The following TBL1XR1 variants were observed in gnomAD, a reference collection of about 807,000 sequenced individuals.
TBL1XR1 encodes F-box-like/WD repeat-containing protein TBL1XR1.
TBL1XR1 carries 5 observed loss-of-function variants against 66.9 expected under a neutral mutation model. The ratio of observed to expected loss-of-function variants is 0.07; its 90% confidence interval spans 0.04 to 0.16. The LOEUF (loss-of-function observed/expected upper bound fraction) is 0.16. Ranked by LOEUF, TBL1XR1 falls within the 10% of genes least tolerant of loss-of-function variation. The pLI, the probability that TBL1XR1 is intolerant of heterozygous loss-of-function variation, is 1.00. For synonymous variants in TBL1XR1, 210 were observed against 206.0 expected (o/e 1.02, Z -0.17); for missense variants, 238 against 623.2 (o/e 0.38, Z 6.58).
intron 1 of TBL1XR1, among the ~76,000 whole-genome samples, chr3:177,178,423 A>G (rs1734411928): frequency 6.6e-6 from 1 of 152,210 alleles, no homozygotes; most frequent in Non-Finnish European, 1.5e-5. Flanking sequence ...GTCACATGCT[A>G]AAAGTAACAA....
chr3:177,047,188 T>G (rs546397255), intron 9 of TBL1XR1, 112 bp downstream of exon 9: 3 of 840,700 alleles, frequency 3.6e-6, no homozygotes, highest in East Asian at 2.7e-5. Flanking sequence ...CATAAATTCC[T>G]ATGTGAATTT....
At chr3:177,074,052 G>A (rs1395148728) in intron 2 of TBL1XR1, among the ~76,000 whole-genome samples, 2 of 152,128 alleles carry the variant, frequency 1.3e-5, no homozygotes, top group Non-Finnish European at 2.9e-5. Flanking sequence ...CTGGAGAATT[G>A]ATTCATTACA....
chr3:177,070,743 C>T (rs1018060861), intron 2 of TBL1XR1, among the ~76,000 whole-genome samples: 2 of 151,766 alleles, frequency 1.3e-5, no homozygotes, highest in African/African-American at 2.4e-5. Flanking sequence ...TTACTCAGGA[C>T]GCTGAGATGG....
At chr3:177,088,422 G>A (rs1015137512) in intron 2 of TBL1XR1, among the ~76,000 whole-genome samples, 3 of 152,108 alleles carry the variant, frequency 2.0e-5, no homozygotes, top group Non-Finnish European at 2.9e-5. Context: ...GTTTAGACTT[G>A]GATCCTATCC....
intron 1 of TBL1XR1, among the ~76,000 whole-genome samples, chr3:177,194,728 A>G (rs1441080173): frequency 6.6e-6 from 1 of 152,212 alleles, no homozygotes; most frequent in Non-Finnish European, 1.5e-5. Flanking sequence ...CCTAGAACAC[A>G]GGAAGCAGTT....
chr3:177,050,436 A>G (rs780404080), intron 6 of TBL1XR1, 42 bp downstream of exon 6: 4 of 1,604,240 alleles, frequency 2.5e-6, no homozygotes, highest in Non-Finnish European at 3.4e-6. Flanking sequence ...ATGTTCAATA[A>G]GATATTTTTA....
chr3:177,120,855 G>A (rs1726902942), intron 1 of TBL1XR1: 1 of 152,074 alleles, frequency 6.6e-6, no homozygotes, highest in African/African-American at 2.4e-5. Flanking sequence ...TGTACTTCAT[G>A]TTGTCTCATT....
At chr3:177,128,686 C>T (rs1323321186) in intron 1 of TBL1XR1, among the ~76,000 whole-genome samples, 1 of 152,130 alleles carries the variant, frequency 6.6e-6, no homozygotes, top group African/African-American at 2.4e-5. Context: ...AGCCACCAAA[C>T]TTGGCCACTT....
At chr3:177,096,676 C>A (rs186455707) in intron 2 of TBL1XR1, among the ~76,000 whole-genome samples, 2 of 152,188 alleles carry the variant, frequency 1.3e-5, no homozygotes, top group Non-Finnish European at 2.9e-5. Context: ...AACAAAAAGC[C>A]AAGAGCAGAT....
chr3:177,124,877 G>A (rs922105768), intron 1 of TBL1XR1, among the ~76,000 whole-genome samples: 3 of 151,944 alleles, frequency 2.0e-5, no homozygotes, highest in Non-Finnish European at 2.9e-5. Flanking sequence ...ACAGCTAAAT[G>A]CAAAAGAAAT....
chr3:177,139,419 C>A (rs1321816856), intron 1 of TBL1XR1, among the ~76,000 whole-genome samples: 1 of 152,018 alleles, frequency 6.6e-6, no homozygotes, highest in African/African-American at 2.4e-5. Flanking sequence ...CCTGTAGCTG[C>A]AGCTACTTGG....
chr3:177,132,447 A>G (rs1047274253), intron 1 of TBL1XR1, among the ~76,000 whole-genome samples: 1 of 152,238 alleles, frequency 6.6e-6, no homozygotes, highest in Non-Finnish European at 1.5e-5. Context: ...ATCGTTTTTC[A>G]GCAATAAACC....
chr3:177,153,637 C>A (rs565613311), intron 1 of TBL1XR1, among the ~76,000 whole-genome samples: 3 of 152,148 alleles, frequency 2.0e-5, no homozygotes, highest in African/African-American at 7.2e-5. Flanking sequence ...ACCGTAATCC[C>A]AGCACTTTGG....
In TBL1XR1 at chr3:177,047,345, T is replaced by C. The variant is rs1036763376; in HGVS notation, c.819A>G (p.Lys273=). 5 of 1,570,550 alleles carry C rather than the reference T, an allele frequency of 3.2e-6. No homozygotes were observed. The highest frequency in any genetic ancestry group is 2.3e-5 in the East Asian group (1 of 43,156). ...GQHKGPIFAL[K]WNKKGNFILS... is the part of the protein sequence containing the mutation. Reference sequence around the variant, plus strand: ...GGATGAAATTTCCTTTCTTATTCCATTTTAATGCAAATATAGGGCCTTTAT... The same window carrying C: ...GGATGAAATTTCCTTTCTTATTCCACTTTAATGCAAATATAGGGCCTTTAT... Residue 273 remains lysine (K), a synonymous_variant, in exon 9 of 16, where the codon AAA becomes AAG. Transcript: ENST00000457928.
At chr3:177,189,597 G>C (rs1181367435) in intron 1 of TBL1XR1, among the ~76,000 whole-genome samples, 1 of 146,942 alleles carries the variant, frequency 6.8e-6, no homozygotes, top group Admixed American at 6.8e-5. Flanking sequence ...GGAGGTTGCA[G>C]TGAGCGGAGA....
intron 1 of TBL1XR1, chr3:177,120,909 T>C (rs1726909112): frequency 6.6e-6 from 1 of 152,236 alleles, no homozygotes; most frequent in African/African-American, 2.4e-5. Flanking sequence ...TGGTCATATT[T>C]TATACATGGC....
intron 1 of TBL1XR1, among the ~76,000 whole-genome samples, chr3:177,184,676 C>T (rs1026137330): frequency 2.0e-5 from 3 of 152,052 alleles, no homozygotes; most frequent in Non-Finnish European, 4.4e-5. Flanking sequence ...TGGCACATGC[C>T]TGTAGTCCCA....
chr3:177,123,825 A>T (rs1727280948), intron 1 of TBL1XR1, among the ~76,000 whole-genome samples: 1 of 152,012 alleles, frequency 6.6e-6, no homozygotes, highest in South Asian at 2.1e-4. Context: ...TCATTTACAA[A>T]ATAAGAACAT....
intron 1 of TBL1XR1, among the ~76,000 whole-genome samples, chr3:177,138,148 C>T (rs1729212746): frequency 6.6e-6 from 1 of 152,128 alleles, no homozygotes; most frequent in Non-Finnish European, 1.5e-5. Context: ...ATACTAATCA[C>T]AACTACAAGA....
Sources: gnomAD v4.1 joint callset for allele counts (sites outside exome capture counted in the v4.1 genomes callset) on GRCh38, gnomAD v4.1.1 for gene constraint, MANE v1.5 for transcripts, NCBI Gene and HGNC (gene_info 2026-07-23, HGNC 2026-07-21) for gene names.